Variants in TENM1 observed in about 807,000 individuals in gnomAD.
TENM1 encodes the protein teneurin transmembrane protein 1, also known as teneurin-1.
A neutral mutation model predicts 174.8 loss-of-function variants in TENM1; 35 were observed. The observed-to-expected ratio is 0.20, with a 90% CI of 0.15 to 0.27. The LOEUF (loss-of-function observed/expected upper bound fraction) is 0.27. TENM1 is among the 10% of genes least tolerant of loss of function. The probability of loss-of-function intolerance (pLI) is 1.00; values close to 1 mark genes in which losing one functional copy is unlikely to be tolerated. For synonymous variants in TENM1, 781 were observed against 798.7 expected, an observed-to-expected ratio of 0.98 and a Z score of 0.37; for missense variants, 1,633 against 2,130.1, an observed-to-expected ratio of 0.77 and a Z score of 4.59.
chrX:124,629,364 A>G (rs1205392532), intron 11 of TENM1, among the ~76,000 whole-genome samples: 2 of 112,381 alleles, frequency 1.8e-5, no homozygotes, highest in East Asian at 5.6e-4. Context: ...GAGTAGAAAG[A>G]ATTTTCATAC....
At chrX:124,837,621 C>G (rs182547833) in intron 3 of TENM1, among the ~76,000 whole-genome samples, 1 of 111,851 alleles carries the variant, frequency 8.9e-6, no homozygotes. Context: ...TTTCATATTA[C>G]CATCCATCCA....
chrX:124,868,243 T>C (rs1173563559), intron 3 of TENM1, among the ~76,000 whole-genome samples: 3 of 111,767 alleles, frequency 2.7e-5, no homozygotes, highest in Admixed American at 9.5e-5. Flanking sequence ...TACAGAGCTA[T>C]AGTAACCAAA....
chrX:124,755,772 T>C (rs1352913885), intron 3 of TENM1, among the ~76,000 whole-genome samples: 6 of 108,846 alleles, frequency 5.5e-5, no homozygotes, highest in Admixed American at 9.7e-5. Context: ...GGATATGAAA[T>C]TCTGGGTTGA....
At chrX:125,057,262 G>C in the TENM1 span, among the ~76,000 whole-genome samples, 1 of 110,776 alleles carries the variant, frequency 9.0e-6, no homozygotes. Flanking sequence ...ATACCCTCTC[G>C]GGCATGTGAA....
the TENM1 span, among the ~76,000 whole-genome samples, chrX:125,112,431 C>T: frequency 9.1e-6 from 1 of 109,992 alleles, no homozygotes; most frequent in Non-Finnish European, 1.9e-5. Context: ...ATATGTATAA[C>T]AAATAACATG....
At chrX:124,504,669 G>A (rs1181001432) in intron 18 of TENM1, among the ~76,000 whole-genome samples, 1 of 111,434 alleles carries the variant, frequency 9.0e-6, no homozygotes, top group Non-Finnish European at 1.9e-5. Flanking sequence ...TTGGTCTGTG[G>A]TCTGCCATAG....
chrX:124,653,882 C>T (rs1185177652), intron 6 of TENM1, 99 bp from the exon 10 acceptor site: 5 of 752,931 alleles, frequency 6.6e-6, no homozygotes, highest in Admixed American at 6.6e-5. Context: ...AAATAACTTA[C>T]TCAGCTTTTT....
the TENM1 span, among the ~76,000 whole-genome samples, chrX:125,179,908 A>G: frequency 9.5e-6 from 1 of 104,869 alleles, no homozygotes; most frequent in African/African-American, 3.5e-5. Context: ...TCTCTTATCT[A>G]GCTTTTAGCA....
the TENM1 span, among the ~76,000 whole-genome samples, chrX:124,988,496 G>T: frequency 8.9e-6 from 1 of 111,754 alleles, no homozygotes; most frequent in Non-Finnish European, 1.9e-5. Context: ...CATTTTAAAA[G>T]TTCTTACACT....
chrX:124,707,189 G>A (rs957741450), intron 4 of TENM1, among the ~76,000 whole-genome samples: 2 of 111,110 alleles, frequency 1.8e-5, no homozygotes, highest in Non-Finnish European at 3.8e-5. Context: ...TTTTAGTAGA[G>A]ACGGGGTTTC....
At chrX:124,839,819 C>T (rs2147356901) in intron 3 of TENM1, among the ~76,000 whole-genome samples, 1 of 111,793 alleles carries the variant, frequency 8.9e-6, no homozygotes, top group South Asian at 3.7e-4. Flanking sequence ...AGCTTCAGTT[C>T]ATTTTGTTAA....
chrX:124,463,255 C>T (rs775765696), intron 22 of TENM1, among the ~76,000 whole-genome samples: 7 of 111,592 alleles, frequency 6.3e-5, no homozygotes, highest in East Asian at 2.8e-4. Flanking sequence ...TGCATTTGAC[C>T]GCTCAGTGTC....
At chrX:124,552,367 G>A (rs140326245) in intron 14 of TENM1, among the ~76,000 whole-genome samples, 1 of 111,009 alleles carries the variant, frequency 9.0e-6, no homozygotes, top group Non-Finnish European at 1.9e-5. Flanking sequence ...GAAGGTAATA[G>A]GACTGTATTT....
the TENM1 span, among the ~76,000 whole-genome samples, chrX:125,156,615 T>C: frequency 8.9e-6 from 1 of 112,405 alleles, no homozygotes; most frequent in African/African-American, 3.2e-5. Flanking sequence ...CTGTGCAGTA[T>C]TCAATAGTGT....
At chrX:124,841,888 A>C (rs759934849) in intron 3 of TENM1, among the ~76,000 whole-genome samples, 1 of 112,458 alleles carries the variant, frequency 8.9e-6, no homozygotes, top group Non-Finnish European at 1.9e-5. Context: ...CATGTTGAGT[A>C]ACTTTGTCTC....
At chrX:124,596,909 A>G (rs1291442673) in intron 11 of TENM1, among the ~76,000 whole-genome samples, 5 of 111,791 alleles carry the variant, frequency 4.5e-5, no homozygotes, top group African/African-American at 1.6e-4. Flanking sequence ...TGGCCAAAAA[A>G]CATATGAAAA....
intron 11 of TENM1, among the ~76,000 whole-genome samples, chrX:124,598,098 G>T (rs1052847520): frequency 9.0e-6 from 1 of 111,419 alleles, no homozygotes; most frequent in Non-Finnish European, 1.9e-5. Flanking sequence ...CTCAAAAGAA[G>T]ACATACAAAT....
the TENM1 span, among the ~76,000 whole-genome samples, chrX:125,033,722 T>C: frequency 9.0e-6 from 1 of 111,146 alleles, no homozygotes; most frequent in East Asian, 2.8e-4. Flanking sequence ...ATTTGCTTTT[T>C]TTTTTTTCCA....
chrX:124,906,023 G>A (rs2057742826), intron 1 of TENM1, among the ~76,000 whole-genome samples: 1 of 111,823 alleles, frequency 8.9e-6, no homozygotes, highest in Admixed American at 9.5e-5. Flanking sequence ...GACTTACAAT[G>A]GGGTAACATT....
Sources: allele counts gnomAD v4.1 joint callset (sites outside exome capture counted in the v4.1 genomes callset), GRCh38; gene constraint gnomAD v4.1.1; transcripts MANE v1.5; gene names NCBI Gene and HGNC (gene_info 2026-07-23, HGNC 2026-07-21).